Variants in RBFOX1 observed in about 807,000 individuals in gnomAD.
The protein encoded by RBFOX1 is RNA binding protein fox-1 homolog 1.
In RBFOX1, 8 loss-of-function variants were observed where a neutral mutation model predicts 57.7. That is an observed-to-expected ratio of 0.14 (90% CI 0.08 to 0.25). The LOEUF (loss-of-function observed/expected upper bound fraction) is 0.25, where lower values mean the gene tolerates loss of function less well. RBFOX1 is among the 10% of genes least tolerant of loss of function. The pLI, the probability that RBFOX1 is intolerant of heterozygous loss-of-function variation, is 1.00. For missense variants in RBFOX1, 611 were observed against 548.5 expected, an observed-to-expected ratio of 1.11 and a Z score of -1.14; for synonymous variants, 326 against 222.4, an observed-to-expected ratio of 1.47 and a Z score of -4.15.
chr16:6,965,838 C>A (rs573266401), intron 3 of RBFOX1, among the ~76,000 whole-genome samples: 1 of 151,916 alleles, frequency 6.6e-6, no homozygotes, highest in Admixed American at 6.6e-5. Flanking sequence ...TAGGTGCTGT[C>A]GCATCCATGG....
chr16:6,148,316 G>A (rs945083728), intron 1 of RBFOX1, among the ~76,000 whole-genome samples: 2 of 152,216 alleles, frequency 1.3e-5, no homozygotes, highest in African/African-American at 4.8e-5. Flanking sequence ...GACGGAGTGA[G>A]ACTCCGTCTC....
chr16:5,302,280 G>A (rs561844816), intron 1 of RBFOX1, among the ~76,000 whole-genome samples: 2 of 152,214 alleles, frequency 1.3e-5, no homozygotes, highest in South Asian at 4.1e-4. Context: ...ATTAAATACT[G>A]TTGTCAGAGA....
intron 2 of RBFOX1, among the ~76,000 whole-genome samples, chr16:6,526,930 T>C (rs1301065247): frequency 7.0e-6 from 1 of 141,980 alleles, no homozygotes; most frequent in Non-Finnish European, 1.5e-5. Flanking sequence ...AAAGATATAA[T>C]CACAGAGAGA....
chr16:5,856,242 T>TAC (rs1567631314), intron 3 of RBFOX1, among the ~76,000 whole-genome samples: 2 of 38,582 alleles, frequency 5.2e-5, no homozygotes, highest in South Asian at 9.0e-4. Context: ...TATATATGTG[T>TAC]ATATATATGT....
chr16:5,284,566 G>C (rs1356485860), intron 1 of RBFOX1, among the ~76,000 whole-genome samples: 2 of 145,170 alleles, frequency 1.4e-5, no homozygotes, highest in African/African-American at 2.6e-5. Context: ...TTAGGCAATG[G>C]AGTCTCACTC....
rs115181756 is a variant in RBFOX1, at chr16:6,395,115, G to A, written c.-64+78058G>A. On this transcript the variant is annotated intron_variant, in intron 2 of 15. Transcript: ENST00000550418. ...AGACTCTGACCATGTCACTGTCACC[G>A]AAGGGTTTGCTAAAGATATGGTGAC... Among the ~76,000 whole-genome samples, 1,506 of 152,308 alleles carry A rather than the reference G, an allele frequency of 9.9e-3. 28 individuals are homozygous for A. The highest frequency in any genetic ancestry group is 0.034 in the African/African-American group (1,395 of 41,572).
chr16:6,943,719 A>G (rs117339039), intron 3 of RBFOX1, among the ~76,000 whole-genome samples: 4,157 of 151,894 alleles, frequency 0.027, 78 homozygotes, highest in Non-Finnish European at 0.036. Flanking sequence ...AAAAAAAAAA[A>G]AAAAAAAAGT....
chr16:7,466,489 G>C (rs975411026), intron 4 of RBFOX1, among the ~76,000 whole-genome samples: 4 of 152,148 alleles, frequency 2.6e-5, no homozygotes, highest in Admixed American at 2.6e-4. Flanking sequence ...CAGGTCCTAG[G>C]GTGGTTAATG....
chr16:5,608,324 C>T (rs1739971241), intron 3 of RBFOX1, among the ~76,000 whole-genome samples: 1 of 152,132 alleles, frequency 6.6e-6, no homozygotes, highest in South Asian at 2.1e-4. Flanking sequence ...ACAGCAGCAG[C>T]CGTCTGAGCA....
intron 1 of RBFOX1, among the ~76,000 whole-genome samples, chr16:5,433,330 C>T (rs1006917108): frequency 6.6e-6 from 1 of 152,172 alleles, no homozygotes; most frequent in African/African-American, 2.4e-5. Context: ...GGGGCTCCTC[C>T]TTCCTGCTCT....
intron 1 of RBFOX1, among the ~76,000 whole-genome samples, chr16:5,401,804 C>A (rs1440553577): frequency 6.6e-6 from 1 of 151,700 alleles, no homozygotes; most frequent in Non-Finnish European, 1.5e-5. Flanking sequence ...CTTTCTCCTC[C>A]TCCTTCTCCT....
intron 4 of RBFOX1, among the ~76,000 whole-genome samples, chr16:7,219,237 C>G (rs947931711): frequency 6.6e-6 from 1 of 152,144 alleles, no homozygotes; most frequent in Non-Finnish European, 1.5e-5. Context: ...CCAATTAACA[C>G]CACAGGGAAA....
chr16:6,753,505 C>G (rs142017656), intron 3 of RBFOX1, among the ~76,000 whole-genome samples: 2 of 152,150 alleles, frequency 1.3e-5, no homozygotes, highest in African/African-American at 4.8e-5. Context: ...CTTTCATCTC[C>G]TATACCATGT....
chr16:5,508,645 T>C (rs1404678731), intron 2 of RBFOX1, among the ~76,000 whole-genome samples: 1 of 151,912 alleles, frequency 6.6e-6, no homozygotes, highest in Non-Finnish European at 1.5e-5. Flanking sequence ...CACAGAGCGA[T>C]TGTACAGAGT....
intron 1 of RBFOX1, among the ~76,000 whole-genome samples, chr16:5,317,160 A>G (rs2064263769): frequency 6.6e-6 from 1 of 152,144 alleles, no homozygotes; most frequent in Non-Finnish European, 1.5e-5. Flanking sequence ...CAGCCTTTAT[A>G]AATGAGTGAA....
chr16:7,020,032 A>G (rs1360941372), intron 3 of RBFOX1, among the ~76,000 whole-genome samples: 2 of 139,958 alleles, frequency 1.4e-5, no homozygotes, highest in South Asian at 2.2e-4. Flanking sequence ...AGGCGTCTGT[A>G]GTGTTTTCTA....
intron 3 of RBFOX1, among the ~76,000 whole-genome samples, chr16:7,051,742 G>GA (rs2050156769): frequency 6.6e-6 from 1 of 152,122 alleles, no homozygotes; most frequent in South Asian, 2.1e-4. Flanking sequence ...GGTTTTCAGG[G>GA]AAAAGGGTGG....
chr16:6,814,302 C>T (rs1211648873), intron 3 of RBFOX1, among the ~76,000 whole-genome samples: 1 of 152,028 alleles, frequency 6.6e-6, no homozygotes. Flanking sequence ...TTCTGATCTT[C>T]AAACTGAAAG....
intron 3 of RBFOX1, among the ~76,000 whole-genome samples, chr16:6,768,636 C>T (rs765100514): frequency 6.6e-6 from 1 of 151,198 alleles, no homozygotes; most frequent in African/African-American, 2.4e-5. Flanking sequence ...TATCGCCTAC[C>T]TGTATATATT....
Sources: gnomAD v4.1 joint callset for allele counts (sites outside exome capture counted in the v4.1 genomes callset) on GRCh38, gnomAD v4.1.1 for gene constraint, MANE v1.5 for transcripts, NCBI Gene and HGNC (gene_info 2026-07-23, HGNC 2026-07-21) for gene names.